KIF4A: variants seen among roughly 807,000 people sequenced by gnomAD.
KIF4A encodes the protein kinesin family member 4A.
Under a neutral mutation model 105.9 loss-of-function variants are expected in KIF4A, and 7 were observed. That is an observed-to-expected ratio of 0.07 (90% CI 0.04 to 0.12). The LOEUF (loss-of-function observed/expected upper bound fraction) is 0.12, where lower values mean the gene tolerates loss of function less well. Among genes scored for constraint, KIF4A ranks in the 10% least tolerant of loss-of-function variants. KIF4A has a pLI of 1.00. For missense variants in KIF4A, 558 were observed against 929.2 expected (o/e 0.60, Z 5.19); for synonymous variants, 281 against 331.3 (o/e 0.85, Z 1.65).
intron 5 of KIF4A, among the ~76,000 whole-genome samples, chrX:70,301,193 T>C (rs2085803165): frequency 9.0e-6 from 1 of 111,614 alleles, no homozygotes; most frequent in South Asian, 3.8e-4. Context: ...AAGATGAATT[T>C]GGTTTATAAT....
At chrX:70,371,554 G>A (rs1489043803) in intron 15 of KIF4A, among the ~76,000 whole-genome samples, 3 of 109,936 alleles carry the variant, frequency 2.7e-5, no homozygotes, top group African/African-American at 1.0e-4. Flanking sequence ...AGGGGCGGCC[G>A]GGCAGAGGCG....
intron 15 of KIF4A, among the ~76,000 whole-genome samples, chrX:70,359,618 C>A (rs2086066247): frequency 9.0e-6 from 1 of 110,575 alleles, no homozygotes; most frequent in Non-Finnish European, 1.9e-5. Context: ...GAATCTTTTC[C>A]TCATGCTCTC....
At chrX:70,343,373 A>G (rs1314958735) in intron 11 of KIF4A, among the ~76,000 whole-genome samples, 1 of 110,436 alleles carries the variant, frequency 9.1e-6, no homozygotes, top group Non-Finnish European at 1.9e-5. Flanking sequence ...AGGGACTAAC[A>G]TGCCAGGAAA....
chrX:70,352,958 T>C (rs1307139658), intron 14 of KIF4A, among the ~76,000 whole-genome samples: 5 of 111,528 alleles, frequency 4.5e-5, no homozygotes, highest in Non-Finnish European at 9.4e-5. Context: ...GTCCAGCAAG[T>C]TAAAAATGAG....
At chrX:70,381,060 A>G (rs1328979361) in intron 18 of KIF4A, among the ~76,000 whole-genome samples, 4 of 111,420 alleles carry the variant, frequency 3.6e-5, no homozygotes, top group Non-Finnish European at 1.9e-5. Flanking sequence ...GAGGCACGAG[A>G]ATCATTTGAA....
intron 13 of KIF4A, 21 bp from the exon 14 acceptor site, chrX:70,352,579 C>T: frequency 8.5e-7 from 1 of 1,180,554 alleles, no homozygotes; most frequent in South Asian, 1.8e-5. Context: ...TTTCCCTAAA[C>T]CAAAACATTT....
chrX:70,321,530 G>GT (rs967596500), intron 7 of KIF4A, among the ~76,000 whole-genome samples: 1 of 110,779 alleles, frequency 9.0e-6, no homozygotes, highest in African/African-American at 3.3e-5. Context: ...CAGTTCTGTT[G>GT]TTTCAGATCT....
intron 5 of KIF4A, 101 bp downstream of exon 5, chrX:70,299,303 A>G (rs977952071): frequency 9.7e-6 from 6 of 616,455 alleles, no homozygotes; most frequent in African/African-American, 6.8e-5. Context: ...AATGACTACT[A>G]TCATCTCAGT....
chrX:70,358,069 C>A (rs2086059072), intron 15 of KIF4A, among the ~76,000 whole-genome samples: 1 of 110,721 alleles, frequency 9.0e-6, no homozygotes, highest in African/African-American at 3.3e-5. Flanking sequence ...TGCCACCATG[C>A]CTGGCTAATT....
intron 20 of KIF4A, among the ~76,000 whole-genome samples, chrX:70,392,064 A>G (rs1039278677): frequency 8.9e-6 from 1 of 111,860 alleles, no homozygotes; most frequent in African/African-American, 3.2e-5. Context: ...TCAGTAATAC[A>G]TAAAAAAACT....
At position 70,299,547 on chromosome X, in the gene KIF4A, T is replaced by A. The variant is rs189723748; in HGVS notation, c.516+345T>A. Among the ~76,000 whole-genome samples the A allele has an allele frequency of 3.2e-3, 362 of 111,974 alleles. 2 individuals carry two copies. Among genetic ancestry groups the A allele is most frequent in the South Asian group, 0.021 (56 of 2,640 alleles). Reference sequence around the variant, plus strand: ...AATGAATTAAAATTGAATAAAATTTTAAAAATTCATTTCCTCAGGCACACT... The same window carrying A: ...AATGAATTAAAATTGAATAAAATTTAAAAAATTCATTTCCTCAGGCACACT... On this transcript the variant is annotated intron_variant, in intron 5 of 30. Transcript: ENST00000374403.
Position 70,349,393 on chromosome X carries a change from C to T in KIF4A, c.1432-3207C>T, listed in dbSNP as rs187423503. ...CTCCTCACCTCCCAGACAGGGTGGC[C>T]GGGCAGAGACACTCCCTACTTCCCA... On this transcript the variant is annotated intron_variant, in intron 13 of 30. Transcript: ENST00000374403. Among the ~76,000 whole-genome samples the T allele has an allele frequency of 8.2e-3, 670 of 82,050 alleles. 13 individuals are homozygous for T. Among genetic ancestry groups the T allele is most frequent in the Middle Eastern group, 0.054 (4 of 74 alleles). 71.3% of individuals were successfully genotyped at this position (82,050 alleles called of 115,157 possible).
intron 7 of KIF4A, among the ~76,000 whole-genome samples, chrX:70,302,958 G>A (rs1001959573): frequency 1.8e-5 from 2 of 111,851 alleles, no homozygotes; most frequent in African/African-American, 3.2e-5. Context: ...TCTCAATTTT[G>A]TTCTTAAGGA....
At chrX:70,419,205 G>C (rs1453022439) in intron 29 of KIF4A, among the ~76,000 whole-genome samples, 1 of 112,273 alleles carries the variant, frequency 8.9e-6, no homozygotes, top group African/African-American at 3.2e-5. Flanking sequence ...TTGCGTTCAA[G>C]AGTCATGTAG....
chrX:70,299,147 C>T lies in KIF4A; in HGVS notation c.461C>T (p.Pro154Leu), dbSNP rs1487012048. Residue 154 changes from proline (P) to leucine (L), a missense_variant, in exon 5 of 31, where the codon CCA (proline) becomes CTA (leucine). Pro to Leu is a moderately conservative substitution (Grantham distance 98, BLOSUM62 -3). Around this residue, in one of 2 missense-constraint regions of KIF4A, gnomAD observed 89 missense variants for 248.8 expected, o/e 0.36. Transcript: ENST00000374403. ...YNEEILDLLC[P>L]SREKAQINIR... ...GAAGAAATTTTGGATCTTCTATGCC[C>T]ATCTCGTGAGAAAGCTCAAATAAAT... The T allele has an allele frequency of 1.7e-6, 2 of 1,205,060 alleles. No homozygotes were observed. Among genetic ancestry groups the T allele is most frequent in the African/African-American group, 3.5e-5 (2 of 57,072 alleles).
intron 19 of KIF4A, 78 bp from the exon 20 acceptor site, chrX:70,387,106 A>G: frequency 1.4e-6 from 1 of 690,065 alleles, no homozygotes; most frequent in Non-Finnish European, 2.2e-6. Context: ...TAGAATTTTT[A>G]TCTTTACTAA....
chrX:70,311,865 G>A (rs1206112567), intron 7 of KIF4A, among the ~76,000 whole-genome samples: 1 of 108,022 alleles, frequency 9.3e-6, no homozygotes, highest in African/African-American at 3.4e-5. Flanking sequence ...GAGGCAGGAG[G>A]ATGGCTGGAG....
At chrX:70,412,960 A>G (rs1306248142) in intron 28 of KIF4A, among the ~76,000 whole-genome samples, 2 of 111,159 alleles carry the variant, frequency 1.8e-5, no homozygotes, top group African/African-American at 6.5e-5. Flanking sequence ...CTGTATTGCT[A>G]TTAGGAATAT....
At chrX:70,291,578 C>T (rs1335597657) in intron 3 of KIF4A, among the ~76,000 whole-genome samples, 1 of 111,367 alleles carries the variant, frequency 9.0e-6, no homozygotes, top group African/African-American at 3.3e-5. Context: ...GGGAGCAGTG[C>T]CTGAGAGATG....
Sources: gnomAD v4.1 joint callset for allele counts (sites outside exome capture counted in the v4.1 genomes callset) on GRCh38, gnomAD v4.1.1 for gene constraint, gnomAD v4.1.1 regional missense constraint, MANE v1.5 for transcripts, NCBI Gene and HGNC (gene_info 2026-07-23, HGNC 2026-07-21) for gene names.